The following OTUD7B variants were observed in gnomAD, a reference collection of about 807,000 sequenced individuals.
OTUD7B encodes OTU domain-containing protein 7B.
A neutral mutation model predicts 82.2 loss-of-function variants in OTUD7B; 34 were observed. That is an observed-to-expected ratio of 0.41 (90% CI 0.31 to 0.55). The LOEUF (loss-of-function observed/expected upper bound fraction) is 0.55, where lower values mean the gene tolerates loss of function less well. OTUD7B is among the 20% of genes least tolerant of loss of function. The pLI is 0.20. For missense variants in OTUD7B, 944 were observed against 1,062.1 expected, an observed-to-expected ratio of 0.89 and a Z score of 1.55; for synonymous variants, 398 against 402.7, an observed-to-expected ratio of 0.99 and a Z score of 0.14.
the OTUD7B span, among the ~76,000 whole-genome samples, chr1:150,020,721 C>CT: frequency 6.6e-6 from 1 of 152,258 alleles, no homozygotes; most frequent in East Asian, 1.9e-4. Context: ...TTCTGAAAAA[C>CT]TTTGATTACA....
Position 149,945,017 on chromosome 1 carries a change from G to A in OTUD7B, c.1372C>T (p.Pro458Ser). ...ESPTASAGDE[P>S]RSTPESGDSD... is the part of the protein sequence containing the mutation. ...TCTCCAGACTCAGGAGTGGACCGGGGCTCATCTCCAGCTGAGGCGGTGGGG... is the reference window on the plus strand; with the variant it reads ...TCTCCAGACTCAGGAGTGGACCGGGACTCATCTCCAGCTGAGGCGGTGGGG... The change falls in exon 12 of 12, where the codon CCC (proline) becomes TCC (serine). Residue 458 changes from proline to serine, a missense_variant. Pro to Ser is a moderately conservative substitution (Grantham distance 74). Transcript: ENST00000581312. 6.2e-7 allele frequency: 1 copy of A among 1,614,140 alleles called. No homozygotes were observed. The highest frequency in any genetic ancestry group is 1.1e-5 in the South Asian group (1 of 91,084).
At chr1:149,995,726 T>C (rs1651881881) in intron 1 of OTUD7B, among the ~76,000 whole-genome samples, 1 of 152,106 alleles carries the variant, frequency 6.6e-6, no homozygotes, top group Non-Finnish European at 1.5e-5. Context: ...TACGAGATAA[T>C]GCTCAAAATA....
chr1:149,960,318 AC>A (rs1649048656), intron 6 of OTUD7B, among the ~76,000 whole-genome samples: 1 of 150,520 alleles, frequency 6.6e-6, no homozygotes, highest in Non-Finnish European at 1.5e-5. Flanking sequence ...CTCATCCACT[AC>A]CATCTGTATG....
chr1:149,955,099 G>A (rs1406092049), intron 7 of OTUD7B, among the ~76,000 whole-genome samples: 50 of 151,982 alleles, frequency 3.3e-4, no homozygotes, highest in Non-Finnish European at 5.3e-4. Flanking sequence ...TTGAATGTTT[G>A]CTCTTGCTTC....
chr1:150,024,503 C>G, the OTUD7B span, among the ~76,000 whole-genome samples: 1 of 151,466 alleles, frequency 6.6e-6, no homozygotes, highest in Non-Finnish European at 1.5e-5. Context: ...GATCTGCATG[C>G]TATTTTTAGT....
the OTUD7B span, among the ~76,000 whole-genome samples, chr1:150,041,891 A>G: frequency 6.6e-6 from 1 of 151,806 alleles, no homozygotes; most frequent in East Asian, 1.9e-4. Flanking sequence ...TTGATTTTCA[A>G]TCTTTTATGT....
the OTUD7B span, among the ~76,000 whole-genome samples, chr1:150,047,526 G>A: frequency 6.6e-5 from 10 of 151,788 alleles, no homozygotes; most frequent in African/African-American, 2.4e-4. Context: ...ATATTTCCAT[G>A]GCTAGCACCT....
intron 1 of OTUD7B, among the ~76,000 whole-genome samples, chr1:149,981,325 C>T (rs1255929487): frequency 1.3e-5 from 2 of 152,216 alleles, no homozygotes; most frequent in African/African-American, 4.8e-5. Context: ...ATCACATAGT[C>T]TCCACTTGGA....
intron 8 of OTUD7B, 135 bp from the exon 9 acceptor site, chr1:149,949,913 G>C: frequency 7.8e-7 from 1 of 1,276,820 alleles, no homozygotes; most frequent in Non-Finnish European, 1.1e-6. Context: ...AAGAAGCCCT[G>C]TCAACTAATC....
At chr1:149,985,933 A>G (rs1249599048) in intron 1 of OTUD7B, among the ~76,000 whole-genome samples, 1 of 152,120 alleles carries the variant, frequency 6.6e-6, no homozygotes, top group Non-Finnish European at 1.5e-5. Context: ...TCCTAGGTGT[A>G]GCAGGTGAAT....
rs587703574 is a variant in OTUD7B, at chr1:149,955,947, C to T, written c.845+3737G>A. 5.3e-5 allele frequency among the ~76,000 whole-genome samples: 8 copies of T among 152,196 alleles called. No individual in the cohort carries two copies. The South Asian group carries it at 1.2e-3, about 24-fold the overall frequency. On this transcript the variant is annotated intron_variant, in intron 7 of 11. Transcript: ENST00000581312. ...GTGTGTCTCTGCACCTGAGATGGGT[C>T]TCCTGAATATCGCACACTGATGGGT...
At chr1:150,022,111 T>C in the OTUD7B span, among the ~76,000 whole-genome samples, 7 of 152,108 alleles carry the variant, frequency 4.6e-5, no homozygotes, top group African/African-American at 1.7e-4. Context: ...TAAAATCTCA[T>C]GCTGGGCTGG....
At chr1:149,993,743 A>G (rs1280293390) in intron 1 of OTUD7B, among the ~76,000 whole-genome samples, 2 of 152,242 alleles carry the variant, frequency 1.3e-5, no homozygotes, top group Admixed American at 6.5e-5. Flanking sequence ...ATACTGATCT[A>G]CATCGATACA....
chr1:150,002,143 G>A (rs1346231160), intron 1 of OTUD7B, among the ~76,000 whole-genome samples: 3 of 151,934 alleles, frequency 2.0e-5, no homozygotes, highest in African/African-American at 4.8e-5. Context: ...AATTTGGGAT[G>A]TAGGCTCAAA....
In OTUD7B at chr1:149,949,658, A is replaced by G; in HGVS notation, c.1094T>C (p.Met365Thr). Reference sequence around the variant, plus strand: ...TTCCTTGGTATTCTCCTTCTGCTCCATGGACACGAGTGCAGAAAAGTGGGC... The same window carrying G: ...TTCCTTGGTATTCTCCTTCTGCTCCGTGGACACGAGTGCAGAAAAGTGGGC... ...DQAHFSALVS[M>T]EQKENTKEQA... Residue 365 changes from methionine (M) to threonine (T), a missense_variant, in exon 9 of 12, where the codon ATG becomes ACG. Met to Thr is a moderately conservative substitution (Grantham distance 81). Transcript: ENST00000581312. 1 of 1,614,176 alleles carries G rather than the reference A, an allele frequency of 6.2e-7. No homozygotes were observed. The highest frequency in any genetic ancestry group is 8.5e-7 in the Non-Finnish European group (1 of 1,180,026).
Position 149,988,868 on chromosome 1 carries a change from T to C in OTUD7B, c.-66-11292A>G, listed in dbSNP as rs188879293. The stretch of plus-strand genomic sequence containing the variant: ...CTTGACCTATTAAAGATTCTAATCA[T>C]TGAATTTTTCACACAAGAGAAAAAA... On this transcript the variant is annotated intron_variant, in intron 1 of 11. Transcript: ENST00000581312. Among the ~76,000 whole-genome samples the C allele has an allele frequency of 2.4e-3, 359 of 152,316 alleles. 1 individual carries two copies. Among genetic ancestry groups the C allele is most frequent in the Non-Finnish European group, 1.5e-3 (100 of 68,028 alleles).
chr1:149,987,378 C>T (rs1481551167), intron 1 of OTUD7B, among the ~76,000 whole-genome samples: 4 of 152,316 alleles, frequency 2.6e-5, no homozygotes, highest in Admixed American at 2.0e-4. Flanking sequence ...TGGATTCAGA[C>T]AGATCTTGGT....
intron 7 of OTUD7B, among the ~76,000 whole-genome samples, chr1:149,954,159 TTCAG>T (rs1221632575): frequency 2.0e-5 from 3 of 152,222 alleles, no homozygotes; most frequent in Non-Finnish European, 2.9e-5. Context: ...TTTCTGCCCA[TTCAG>T]TATGATATTG....
Position 149,949,012 on chromosome 1 carries a change from A to C in OTUD7B, c.1195T>G (p.Trp399Gly). 6.2e-7 allele frequency: 1 copy of C among 1,614,076 alleles called. No homozygotes were observed. Among genetic ancestry groups the C allele is most frequent in the South Asian group, 1.1e-5 (1 of 91,088 alleles). The change falls in exon 10 of 12, where the codon TGG becomes GGG. Residue 399 changes from tryptophan to glycine, a missense_variant. By Grantham distance (184) the Trp-to-Gly change is radical. Around this residue, in one of 3 missense-constraint regions of OTUD7B, gnomAD observed 530 missense variants for 625.6 expected, o/e 0.85. Coordinates refer to ENST00000581312, the MANE Select transcript of OTUD7B (RefSeq NM_020205.4). The part of the protein sequence containing the change: ...LHFAVDPGKG[W>G]EWGKDDSDNV... ...TCACTATCATCTTTGCCCCACTCCCAGCCCTTTCCAGGGTCCACAGCAAAG... is the reference window on the plus strand; with the variant it reads ...TCACTATCATCTTTGCCCCACTCCCCGCCCTTTCCAGGGTCCACAGCAAAG...
Sources: gnomAD v4.1 joint callset for allele counts (sites outside exome capture counted in the v4.1 genomes callset) on GRCh38, gnomAD v4.1.1 for gene constraint, gnomAD v4.1.1 regional missense constraint, MANE v1.5 for transcripts, NCBI Gene and HGNC (gene_info 2026-07-23, HGNC 2026-07-21) for gene names.